The following PLXNA2 variants were observed in gnomAD, a reference collection of about 807,000 sequenced individuals.
PLXNA2 encodes the protein plexin-A2.
Under a neutral mutation model 193.5 loss-of-function variants are expected in PLXNA2, and 91 were observed. The observed-to-expected ratio is 0.47, with a 90% CI of 0.40 to 0.56. The LOEUF (loss-of-function observed/expected upper bound fraction) is 0.56. PLXNA2 is among the 20% of genes least tolerant of loss of function. PLXNA2 has a pLI of 0.00. For synonymous variants in PLXNA2, 997 were observed against 1,027.3 expected (o/e 0.97, Z 0.56); for missense variants, 1,995 against 2,503.2 (o/e 0.80, Z 4.33).
In PLXNA2 at chr1:208,132,402, T is replaced by C. The variant is rs115149805; in HGVS notation, c.1506+9927A>G. Among the ~76,000 whole-genome samples the C allele has an allele frequency of 7.5e-3, 1,143 of 152,234 alleles. 15 individuals are homozygous for C. Among genetic ancestry groups the C allele is most frequent in the African/African-American group, 0.026 (1,081 of 41,542 alleles). Reference sequence around the variant, plus strand: ...CTCAGGAAGCTGAAGAGGTGTGGATTTGGCTTCAGAGGTGTGGGGTGGAGT... The same window carrying C: ...CTCAGGAAGCTGAAGAGGTGTGGATCTGGCTTCAGAGGTGTGGGGTGGAGT... On this transcript the variant is annotated intron_variant, in intron 4 of 31. Coordinates refer to ENST00000367033, the MANE Select transcript of PLXNA2 (RefSeq NM_025179.4).
intron 3 of PLXNA2, among the ~76,000 whole-genome samples, chr1:208,179,939 C>T (rs148672860): frequency 1.7e-4 from 26 of 152,238 alleles, no homozygotes; most frequent in African/African-American, 5.8e-4. Context: ...AAATACTTCC[C>T]CAAATGCTAC....
intron 3 of PLXNA2, among the ~76,000 whole-genome samples, chr1:208,170,459 G>A (rs1669460092): frequency 6.6e-6 from 1 of 152,214 alleles, no homozygotes; most frequent in Non-Finnish European, 1.5e-5. Context: ...GCCAGGAGGA[G>A]AGGCACAGCC....
rs1558183838 is a variant in PLXNA2 at position 208,084,604 on chromosome 1, C to T, written c.2098-24G>A. 16 of 1,607,254 alleles carry T rather than the reference C, an allele frequency of 1.0e-5. No individual in the cohort carries two copies. The East Asian group carries it at 3.3e-4, about 34-fold the overall frequency. On this transcript the variant is annotated intron_variant, in intron 9 of 31. Transcript: ENST00000367033. ...TCCTGGGGGAACAAACGAAGAGGCT[C>T]CATCTGTCCCCTGTTCATGCTGTCC...
chr1:208,096,473 GC>G (rs984171675), intron 7 of PLXNA2, among the ~76,000 whole-genome samples: 59 of 152,286 alleles, frequency 3.9e-4, no homozygotes, highest in African/African-American at 1.4e-3. Flanking sequence ...ACTGATGGAA[GC>G]CACTCCATTC....
intron 1 of PLXNA2, among the ~76,000 whole-genome samples, chr1:208,220,910 G>A (rs1288806748): frequency 2.0e-5 from 3 of 152,174 alleles, no homozygotes; most frequent in African/African-American, 7.2e-5. Context: ...AGCTCAGTCT[G>A]GGAAGCATGT....
At chr1:208,160,976 T>C (rs1161067867) in intron 3 of PLXNA2, among the ~76,000 whole-genome samples, 1 of 152,252 alleles carries the variant, frequency 6.6e-6, no homozygotes, top group Non-Finnish European at 1.5e-5. Flanking sequence ...GTTTCCCCTT[T>C]GTTATCAAAA....
chr1:208,076,471 T>C (rs1307301898), intron 12 of PLXNA2, among the ~76,000 whole-genome samples: 1 of 152,206 alleles, frequency 6.6e-6, no homozygotes, highest in Non-Finnish European at 1.5e-5. Context: ...TCAATTTTTA[T>C]GTTCTTGCTC....
At chr1:208,240,542 T>G (rs930134612) in intron 1 of PLXNA2, among the ~76,000 whole-genome samples, 1 of 152,006 alleles carries the variant, frequency 6.6e-6, no homozygotes, top group Admixed American at 6.5e-5. Context: ...TGAGCATATG[T>G]GAAGGGTAGA....
intron 4 of PLXNA2, among the ~76,000 whole-genome samples, chr1:208,124,051 A>T (rs571124279): frequency 6.6e-5 from 10 of 152,284 alleles, no homozygotes; most frequent in Admixed American, 6.5e-4. Flanking sequence ...ACTAGATGTT[A>T]GTCTAGGGCC....
rs551959780 is a variant in PLXNA2 at position 208,028,468 on chromosome 1, C to T, written c.5439-309G>A. On this transcript the variant is annotated intron_variant, in intron 30 of 31. Coordinates refer to ENST00000367033, the MANE Select transcript of PLXNA2 (RefSeq NM_025179.4). This position sits in a 1 kb window ranked among gnomAD's most constrained non-coding sequence, Gnocchi z 4.2. The stretch of plus-strand genomic sequence containing the variant: ...GCTCTGCTACCTGCTAGCTGTGTGA[C>T]GCAGGGCAAGTTATTTACCCTCTCT... 6.3e-4 allele frequency among the ~76,000 whole-genome samples: 96 copies of T among 152,276 alleles called. No individual in the cohort carries two copies. The highest frequency in any genetic ancestry group is 1.1e-3 in the Non-Finnish European group (73 of 68,024).
In PLXNA2 at chr1:208,029,339, G is replaced by A. The variant is rs1015641099; in HGVS notation, c.5226-297C>T. On this transcript the variant is annotated intron_variant, in intron 29 of 31. Coordinates refer to ENST00000367033, the MANE Select transcript of PLXNA2 (RefSeq NM_025179.4). ...GGGAGACTTTTCTAAAGGACTCTGTGCCCCTAGGCAAGCCCAAGAACAGAG... is the reference window on the plus strand; with the variant it reads ...GGGAGACTTTTCTAAAGGACTCTGTACCCCTAGGCAAGCCCAAGAACAGAG... 5 of 1,202,976 alleles carry A rather than the reference G, an allele frequency of 4.2e-6. No homozygotes were observed. In the African/African-American group the frequency reaches 7.8e-5, roughly 19 times the overall value. The allele number at this position is 1,202,976 out of a possible 1,614,324, so 74.5% of individuals were successfully genotyped here.
intron 17 of PLXNA2, among the ~76,000 whole-genome samples, chr1:208,048,859 G>A (rs1665162177): frequency 6.6e-6 from 1 of 152,208 alleles, no homozygotes; most frequent in Admixed American, 6.5e-5. Context: ...GGGAGGGAAT[G>A]TCCCTCCCAG....
chr1:208,159,672 C>T (rs549657662), intron 3 of PLXNA2, among the ~76,000 whole-genome samples: 2 of 152,386 alleles, frequency 1.3e-5, no homozygotes, highest in Admixed American at 1.3e-4. Flanking sequence ...TTCTTGCTGA[C>T]ATGGACTGGA....
At chr1:208,220,355 G>A (rs1253630353) in intron 1 of PLXNA2, among the ~76,000 whole-genome samples, 1 of 152,162 alleles carries the variant, frequency 6.6e-6, no homozygotes, top group Non-Finnish European at 1.5e-5. Context: ...TGTCATGACA[G>A]TAAATGAGAC....
chr1:208,036,124 G>A (rs1397438087), intron 26 of PLXNA2, among the ~76,000 whole-genome samples: 2 of 152,142 alleles, frequency 1.3e-5, no homozygotes, highest in Non-Finnish European at 2.9e-5. Context: ...CTTGTCAGCT[G>A]TTGGTACCAT....
intron 3 of PLXNA2, among the ~76,000 whole-genome samples, chr1:208,204,331 A>AGATG (rs1279310382): frequency 1.3e-5 from 2 of 152,222 alleles, no homozygotes; most frequent in African/African-American, 4.8e-5. Context: ...CAGGTGAAGC[A>AGATG]GATGGCTGTC....
Position 208,038,520 on chromosome 1 carries a change from G to C in PLXNA2, c.4661-46C>G, listed in dbSNP as rs750804225. ...AGGGAGCGGCGTGAGAGGGATGAGGGCTGTGAGCCAGTGTCTCCCGATTGC... is the reference window on the plus strand; with the variant it reads ...AGGGAGCGGCGTGAGAGGGATGAGGCCTGTGAGCCAGTGTCTCCCGATTGC... On this transcript the variant is annotated intron_variant, in intron 25 of 31. Transcript: ENST00000367033. The surrounding 1 kb of genome is among the most constrained non-coding windows in gnomAD (Gnocchi z 4.1). The C allele has an allele frequency of 8.3e-6, 12 of 1,450,522 alleles. 1 individual carries two copies. The South Asian group carries it at 1.3e-4, about 15-fold the overall frequency. The allele number at this position is 1,450,522 out of a possible 1,614,324, so 89.9% of individuals were successfully genotyped here. A position where few individuals can be genotyped will look rare whatever the true frequency, so the allele number is the denominator to read the frequency against.
At chr1:208,027,481 T>C in intron 31 of PLXNA2, 143 bp from the exon 32 acceptor site, 1 of 606,244 alleles carries the variant, frequency 1.6e-6, no homozygotes, top group Non-Finnish European at 2.9e-6. Flanking sequence ...AATGATTAAC[T>C]GAATGAATAC....
At chr1:208,230,314 G>A (rs764027560) in intron 1 of PLXNA2, 1 of 152,242 alleles carries the variant, frequency 6.6e-6, no homozygotes, top group Admixed American at 6.5e-5. Context: ...CAAACAGGGT[G>A]CTGCTAGTCC....
Sources: allele counts gnomAD v4.1 joint callset (sites outside exome capture counted in the v4.1 genomes callset), GRCh38; gene constraint gnomAD v4.1.1; non-coding constraint Gnocchi (gnomAD v3.1); transcripts MANE v1.5; gene names NCBI Gene and HGNC (gene_info 2026-07-23, HGNC 2026-07-21).